The following COL4A1 variants were observed in gnomAD, a reference collection of about 807,000 sequenced individuals.
COL4A1 encodes the protein collagen type IV alpha 1 chain.
A neutral mutation model predicts 216.6 loss-of-function variants in COL4A1; 40 were observed. The observed-to-expected ratio is 0.18, with a 90% CI of 0.14 to 0.24. The LOEUF is 0.24. Ranked by LOEUF, COL4A1 falls within the 10% of genes least tolerant of loss-of-function variation. The probability of loss-of-function intolerance (pLI) is 1.00; values close to 1 mark genes in which losing one functional copy is unlikely to be tolerated. For synonymous variants in COL4A1, 839 were observed against 810.7 expected (o/e 1.03, Z -0.59); for missense variants, 1,628 against 2,196.8 (o/e 0.74, Z 5.18).
chr13:110,259,679 A>G (rs76356800), intron 1 of COL4A1, among the ~76,000 whole-genome samples: 2,378 of 152,350 alleles, frequency 0.016, 61 homozygotes, highest in African/African-American at 0.055. Context: ...TGTATTTTTA[A>G]GAACGTGTTT....
intron 33 of COL4A1, 117 bp downstream of exon 33, chr13:110,177,725 C>T: frequency 9.3e-7 from 1 of 1,074,406 alleles, no homozygotes. Context: ...CTTGATGTTC[C>T]TAACTTCTTT....
At chr13:110,161,899 A>G (rs1053552052) in intron 48 of COL4A1, 15 of 399,446 alleles carry the variant, frequency 3.8e-5, no homozygotes, top group Non-Finnish European at 6.0e-5. Flanking sequence ...AGCCGCATCA[A>G]TGCAAATTGT....
At chr13:110,230,292 ATGTG>A (rs1293535542) in intron 2 of COL4A1, among the ~76,000 whole-genome samples, 2 of 151,570 alleles carry the variant, frequency 1.3e-5, no homozygotes, top group South Asian at 2.1e-4. Flanking sequence ...GTGTATATGT[ATGTG>A]TGTGGTGTGT....
rs778949191 is a variant in COL4A1, at chr13:110,192,816, C to T, written c.1465+14G>A. On this transcript the variant is annotated intron_variant, in intron 23 of 51. Transcript: ENST00000375820. ...GCAAACTCTGACCTGGTCCTTTTCA[C>T]ATGTGGGTCTTACCTATTTCTCCCG... 18 of 1,611,860 alleles carry T rather than the reference C, an allele frequency of 1.1e-5. No individual in the cohort carries two copies. The Admixed American group carries it at 2.2e-4, about 19-fold the overall frequency.
At chr13:110,269,584 A>T (rs1418546925) in intron 1 of COL4A1, among the ~76,000 whole-genome samples, 3 of 152,142 alleles carry the variant, frequency 2.0e-5, no homozygotes, top group African/African-American at 7.2e-5. Flanking sequence ...CTAGGCATAT[A>T]AAAGTTAAGC....
rs576395838 is a variant in COL4A1 at position 110,306,593 on chromosome 13, C to G, written c.84+351G>C. 1.1e-3 allele frequency among the ~76,000 whole-genome samples: 167 copies of G among 152,336 alleles called. 1 individual carries two copies. Among genetic ancestry groups the G allele is most frequent in the Non-Finnish European group, 1.8e-3 (120 of 68,024 alleles). On this transcript the variant is annotated intron_variant, in intron 1 of 51. Coordinates refer to ENST00000375820, the MANE Select transcript of COL4A1 (RefSeq NM_001845.6). The stretch of plus-strand genomic sequence containing the variant: ...TCCAGCCCCCAACTCCCTCGCGCAC[C>G]CGGGACGGGTGAAGGCGCCCAGCTG...
chr13:110,212,497 A>G lies in COL4A1; in HGVS notation c.325-18T>C, dbSNP rs1879857486. On this transcript the variant is annotated intron_variant, in intron 5 of 51. Coordinates refer to ENST00000375820, the MANE Select transcript of COL4A1 (RefSeq NM_001845.6). ...GGAATTCCCTGCAATGAAGAAAGTGAAAATGTAACCCAGGCAGAAAATCGC... is the reference window on the plus strand; with the variant it reads ...GGAATTCCCTGCAATGAAGAAAGTGGAAATGTAACCCAGGCAGAAAATCGC... The G allele has an allele frequency of 6.2e-7, 1 of 1,614,132 alleles. No individual in the cohort carries two copies. Among genetic ancestry groups the G allele is most frequent in the African/African-American group, 1.3e-5 (1 of 74,940 alleles).
At chr13:110,172,294 A>C (rs939855135) in intron 41 of COL4A1, among the ~76,000 whole-genome samples, 6 of 152,230 alleles carry the variant, frequency 3.9e-5, no homozygotes, top group African/African-American at 1.2e-4. Flanking sequence ...GCCAACTCTC[A>C]GCTGCACTTA....
chr13:110,169,560 G>T, intron 43 of COL4A1, 69 bp downstream of exon 43: 1 of 1,602,618 alleles, frequency 6.2e-7, no homozygotes, highest in South Asian at 1.1e-5. Context: ...TACACACATA[G>T]ACACATATGA....
At position 110,195,004 on chromosome 13, in the gene COL4A1, A is replaced by C. The variant is rs755206844; in HGVS notation, c.1381+19T>G. ...CGCAAAGACACAACCACCATTTTAA[A>C]AAAATCAAAATTTCTTACCTTTCTC... On this transcript the variant is annotated intron_variant, in intron 22 of 51. Transcript: ENST00000375820. 3 of 1,610,096 alleles carry C rather than the reference A, an allele frequency of 1.9e-6. No individual in the cohort carries two copies. Among genetic ancestry groups the C allele is most frequent in the Non-Finnish European group, 2.6e-6 (3 of 1,176,434 alleles).
chr13:110,225,476 G>C (rs1880695180), intron 2 of COL4A1, among the ~76,000 whole-genome samples: 1 of 152,168 alleles, frequency 6.6e-6, no homozygotes, highest in Non-Finnish European at 1.5e-5. Flanking sequence ...TCAGCTACTT[G>C]GGAGGCTGAG....
chr13:110,186,338 C>A, intron 26 of COL4A1, 47 bp downstream of exon 26: 1 of 1,610,536 alleles, frequency 6.2e-7, no homozygotes, highest in Non-Finnish European at 8.5e-7. Context: ...CCTGCCCTAA[C>A]CTCCGTTTAC....
Position 110,299,326 on chromosome 13 carries a change from C to T in COL4A1, c.84+7618G>A, listed in dbSNP as rs145448008. Reference sequence around the variant, plus strand: ...AAAAACAGAAGCTCTGGAGCTGTTTCGTGGAGCCCTCCAGCTGATGCTGCT... The same window carrying T: ...AAAAACAGAAGCTCTGGAGCTGTTTTGTGGAGCCCTCCAGCTGATGCTGCT... On this transcript the variant is annotated intron_variant, in intron 1 of 51. Coordinates refer to ENST00000375820, the MANE Select transcript of COL4A1 (RefSeq NM_001845.6). Among the ~76,000 whole-genome samples the T allele has an allele frequency of 1.9e-3, 295 of 152,324 alleles. 5 individuals carry two copies. The East Asian group carries it at 0.053, about 27-fold the overall frequency.
intron 2 of COL4A1, among the ~76,000 whole-genome samples, chr13:110,227,421 CACACAA>C (rs779056426): frequency 0.06 from 8,613 of 143,774 alleles, 275 homozygotes; most frequent in East Asian, 0.13. Context: ...CACACACACA[CACACAA>C]ACACACACAA....
intron 1 of COL4A1, among the ~76,000 whole-genome samples, chr13:110,306,274 T>G (rs183316980): frequency 1.3e-5 from 2 of 152,274 alleles, no homozygotes; most frequent in Non-Finnish European, 2.9e-5. Flanking sequence ...CAAATATGAA[T>G]GTGGTTATAA....
chr13:110,177,006 G>A lies in COL4A1; in HGVS notation c.2748C>T (p.Pro916=), dbSNP rs1877919425. The change falls in exon 34 of 52, where the codon CCC becomes CCT. Residue 916 remains proline (P), a synonymous_variant. Transcript: ENST00000375820. ...CACCTTTCAAGCCAGGGTCTCCCCT[G>A]GGTCCTGAGGAGCCCGGAAAGCCAT... ...GDHGFPGSSG[P]RGDPGLKGDK... is the part of the protein sequence containing the mutation. The A allele has an allele frequency of 6.2e-7, 1 of 1,613,986 alleles. No individual in the cohort carries two copies. The highest frequency in any genetic ancestry group is 1.3e-5 in the African/African-American group (1 of 74,902).
Position 110,201,646 on chromosome 13 carries a change from A to C in COL4A1, c.1000-124T>G, listed in dbSNP as rs756060451. On this transcript the variant is annotated intron_variant, in intron 18 of 51. Transcript: ENST00000375820. ...ATTTCAAGAAATATGAAAGTGAAGT[A>C]GCAGCAATGGTAGCGGACAAGGAGG... The C allele has an allele frequency of 5.6e-6, 5 of 897,576 alleles. No homozygotes were observed. The African/African-American group carries it at 8.1e-5, about 15-fold the overall frequency. 55.6% of individuals were successfully genotyped at this position (897,576 alleles called of 1,614,324 possible).
At chr13:110,228,029 G>A (rs997892442) in intron 2 of COL4A1, among the ~76,000 whole-genome samples, 4 of 152,132 alleles carry the variant, frequency 2.6e-5, no homozygotes, top group Admixed American at 2.0e-4. Flanking sequence ...CGTCACCCTC[G>A]CTGGGCAAGA....
intron 1 of COL4A1, among the ~76,000 whole-genome samples, chr13:110,295,422 C>CTT (rs5806848): frequency 3.4e-4 from 30 of 88,204 alleles, no homozygotes; most frequent in South Asian, 8.2e-4. Context: ...AGTTCACTTC[C>CTT]TTTTTTTTTT....
Sources: allele counts gnomAD v4.1 joint callset (sites outside exome capture counted in the v4.1 genomes callset), GRCh38; gene constraint gnomAD v4.1.1; transcripts MANE v1.5; gene names NCBI Gene and HGNC (gene_info 2026-07-23, HGNC 2026-07-21).